Variants in PPARGC1A observed in about 807,000 individuals in gnomAD.
The protein encoded by PPARGC1A is PPARG coactivator 1 alpha.
Under a neutral mutation model 88.7 loss-of-function variants are expected in PPARGC1A, and 25 were observed. The observed-to-expected ratio is 0.28, with a 90% CI of 0.21 to 0.39. The LOEUF (loss-of-function observed/expected upper bound fraction) is 0.39, where lower values mean the gene tolerates loss of function less well. Among genes scored for constraint, PPARGC1A ranks in the 10% least tolerant of loss-of-function variants. PPARGC1A has a pLI of 1.00. For missense variants in PPARGC1A, 880 were observed against 968.7 expected (o/e 0.91, Z 1.22); for synonymous variants, 363 against 355.6 (o/e 1.02, Z -0.24).
chr4:24,009,133 T>TAAAAAA, the PPARGC1A span, among the ~76,000 whole-genome samples: 19 of 74,468 alleles, frequency 2.6e-4, no homozygotes, highest in South Asian at 2.5e-3. Flanking sequence ...CCGCAGTCTA[T>TAAAAAA]AAAAAAAAAA....
the PPARGC1A span, among the ~76,000 whole-genome samples, chr4:24,328,069 C>A: frequency 6.6e-6 from 1 of 152,082 alleles, no homozygotes; most frequent in Non-Finnish European, 1.5e-5. Flanking sequence ...ATTACTTTCC[C>A]AAATCCTATA....
At chr4:24,442,312 G>A in the PPARGC1A span, among the ~76,000 whole-genome samples, 1 of 152,100 alleles carries the variant, frequency 6.6e-6, no homozygotes, top group Admixed American at 6.5e-5. Flanking sequence ...AACATGAAAA[G>A]GTTCATGGGT....
the PPARGC1A span, among the ~76,000 whole-genome samples, chr4:24,459,394 G>A: frequency 6.7e-6 from 1 of 150,346 alleles, no homozygotes; most frequent in African/African-American, 2.5e-5. Context: ...TAATAAAGAT[G>A]TTTAGTTAGT....
the PPARGC1A span, among the ~76,000 whole-genome samples, chr4:24,351,242 A>T: frequency 6.6e-6 from 1 of 151,934 alleles, no homozygotes; most frequent in Non-Finnish European, 1.5e-5. Flanking sequence ...AAAAAAAAAA[A>T]AAAAGTTAAC....
At chr4:24,011,100 C>T in the PPARGC1A span, among the ~76,000 whole-genome samples, 1 of 152,124 alleles carries the variant, frequency 6.6e-6, no homozygotes, top group Non-Finnish European at 1.5e-5. Flanking sequence ...CCACTGTCAT[C>T]CTGTCTGCTA....
chr4:24,442,242 T>C, the PPARGC1A span, among the ~76,000 whole-genome samples: 2 of 152,172 alleles, frequency 1.3e-5, no homozygotes. Context: ...CACCTCCAAG[T>C]GTATTTTTAT....
chr4:23,846,106 AT>A (rs1728264395), intron 2 of PPARGC1A, among the ~76,000 whole-genome samples: 1 of 152,214 alleles, frequency 6.6e-6, no homozygotes, highest in Non-Finnish European at 1.5e-5. Flanking sequence ...CTGTAACAGC[AT>A]GGAAAATGAC....
the PPARGC1A span, among the ~76,000 whole-genome samples, chr4:24,129,467 A>G: frequency 7.4e-4 from 112 of 152,186 alleles, no homozygotes; most frequent in Admixed American, 7.0e-3. Context: ...TGATGGCTTT[A>G]CAGCTGTTTT....
the PPARGC1A span, among the ~76,000 whole-genome samples, chr4:24,079,893 A>G: frequency 5.3e-5 from 8 of 151,652 alleles, no homozygotes; most frequent in Non-Finnish European, 1.0e-4. Context: ...GGCTCTTTCA[A>G]CCCCATTTGT....
At chr4:24,255,009 T>C in the PPARGC1A span, among the ~76,000 whole-genome samples, 1 of 152,224 alleles carries the variant, frequency 6.6e-6, no homozygotes, top group African/African-American at 2.4e-5. Context: ...TTTTTAAGTA[T>C]GATCCTTGTA....
the PPARGC1A span, among the ~76,000 whole-genome samples, chr4:24,169,531 T>C: frequency 6.6e-6 from 1 of 151,858 alleles, no homozygotes; most frequent in Admixed American, 6.6e-5. Flanking sequence ...AGTTTTTCTG[T>C]AAATCTATAA....
the PPARGC1A span, among the ~76,000 whole-genome samples, chr4:24,319,488 T>G: frequency 3.3e-5 from 5 of 152,166 alleles, no homozygotes; most frequent in Non-Finnish European, 5.9e-5. Context: ...GTTCATGAAA[T>G]GCCACGTGGA....
At chr4:24,273,143 C>T in the PPARGC1A span, among the ~76,000 whole-genome samples, 91 of 152,240 alleles carry the variant, frequency 6.0e-4, no homozygotes, top group African/African-American at 2.1e-3. Flanking sequence ...CTTTGGAAAT[C>T]GAGAGCAGCT....
At chr4:24,443,314 G>A in the PPARGC1A span, among the ~76,000 whole-genome samples, 1 of 150,998 alleles carries the variant, frequency 6.6e-6, no homozygotes, top group Non-Finnish European at 1.5e-5. Flanking sequence ...AGTAGGGAAG[G>A]AAGGTCCAGT....
chr4:23,916,159 A>G, the PPARGC1A span, among the ~76,000 whole-genome samples: 1 of 152,236 alleles, frequency 6.6e-6, no homozygotes, highest in Non-Finnish European at 1.5e-5. Context: ...AGTAAATTAC[A>G]TTGCCTGGCA....
chr4:24,030,136 G>C, the PPARGC1A span, among the ~76,000 whole-genome samples: 1 of 152,202 alleles, frequency 6.6e-6, no homozygotes, highest in East Asian at 1.9e-4. Context: ...TAAAAGAACT[G>C]AATTAACTGC....
the PPARGC1A span, among the ~76,000 whole-genome samples, chr4:24,298,955 A>C: frequency 6.6e-6 from 1 of 152,178 alleles, no homozygotes; most frequent in African/African-American, 2.4e-5. Flanking sequence ...AATGATAAGA[A>C]CCTAAACAAC....
intron 2 of PPARGC1A, among the ~76,000 whole-genome samples, chr4:23,852,390 A>G (rs779717552): frequency 6.6e-6 from 1 of 152,166 alleles, no homozygotes; most frequent in Non-Finnish European, 1.5e-5. Context: ...TGATCACTTT[A>G]CAGAGAGGCT....
At chr4:24,326,346 A>G in the PPARGC1A span, among the ~76,000 whole-genome samples, 1 of 151,952 alleles carries the variant, frequency 6.6e-6, no homozygotes, top group Non-Finnish European at 1.5e-5. Context: ...TTAGTTCAGG[A>G]TCTGCGCCTT....
Sources: allele counts gnomAD v4.1 joint callset (sites outside exome capture counted in the v4.1 genomes callset), GRCh38; gene constraint gnomAD v4.1.1; transcripts MANE v1.5; gene names NCBI Gene and HGNC (gene_info 2026-07-23, HGNC 2026-07-21).